The following TMEM91 variants were observed in gnomAD, a reference collection of about 807,000 sequenced individuals.
The protein encoded by TMEM91 is dispanin subfamily C member 3.
A neutral mutation model predicts 13.3 loss-of-function variants in TMEM91; 6 were observed. The observed-to-expected ratio is 0.45, with a 90% CI of 0.25 to 0.89. TMEM91 has a LOEUF of 0.89. TMEM91 is among the 40% of genes least tolerant of loss of function. The pLI is 0.19. For missense variants in TMEM91, 193 were observed against 228.7 expected (o/e 0.84, Z 1.01); for synonymous variants, 87 against 101.7 (o/e 0.86, Z 0.87).
intron 1 of TMEM91, among the ~76,000 whole-genome samples, chr19:41,367,358 C>G (rs184559469): frequency 1.3e-5 from 2 of 151,478 alleles, no homozygotes; most frequent in Admixed American, 1.3e-4. Flanking sequence ...TGGGGCTGGG[C>G]GCGGTGGCTC....
chr19:41,370,360 A>G (rs2038594794), intron 1 of TMEM91, among the ~76,000 whole-genome samples: 1 of 151,102 alleles, frequency 6.6e-6, no homozygotes, highest in African/African-American at 2.4e-5. Flanking sequence ...TATAGGCGTG[A>G]GCCACTGTGC....
chr19:41,365,125 A>G (rs1031239646), intron 1 of TMEM91, among the ~76,000 whole-genome samples: 3 of 150,590 alleles, frequency 2.0e-5, no homozygotes, highest in East Asian at 1.9e-4. Context: ...GGCTCTAGCT[A>G]TCCTCCCAGT....
chr19:41,375,764 A>T (rs538581344), upstream of TMEM91, among the ~76,000 whole-genome samples: 4 of 151,410 alleles, frequency 2.6e-5, no homozygotes, highest in African/African-American at 9.7e-5. Context: ...GCGAGCAATG[A>T]TTGCGCCACT....
In TMEM91 at chr19:41,384,072, C is replaced by CT; in HGVS notation, c.*201dup. 1 of 983,824 alleles carries CT rather than the reference C, an allele frequency of 1.0e-6. No individual in the cohort carries two copies. Among genetic ancestry groups the CT allele is most frequent in the East Asian group, 3.0e-5 (1 of 33,570 alleles). 60.9% of individuals were successfully genotyped at this position (983,824 alleles called of 1,614,324 possible). A position where few individuals can be genotyped will look rare whatever the true frequency, so the allele number is the denominator to read the frequency against. ...AACCTGAGATTAAACACCAGACACCCTTGCAGCCAAACCAGAGTCTGTTCG... is the reference window on the plus strand; with the variant it reads ...AACCTGAGATTAAACACCAGACACCCTTTGCAGCCAAACCAGAGTCTGTTCG... On this transcript the variant is annotated 3_prime_UTR_variant, in exon 4 of 4. Transcript: ENST00000392002.
intron 2 of TMEM91, among the ~76,000 whole-genome samples, chr19:41,382,011 G>A (rs555118432): frequency 6.6e-6 from 1 of 151,960 alleles, no homozygotes; most frequent in African/African-American, 2.4e-5. Flanking sequence ...GATTACAGGG[G>A]CATACCACCA....
upstream of TMEM91, chr19:41,374,068 C>G (rs1034363770): frequency 1.3e-5 from 2 of 152,246 alleles, no homozygotes; most frequent in South Asian, 4.1e-4. Flanking sequence ...ACAATCCTGC[C>G]CCCTCACGCT....
At chr19:41,383,611 A>G (rs1432642058) in intron 3 of TMEM91, 104 bp from the exon 4 acceptor site, 1 of 1,613,784 alleles carries the variant, frequency 6.2e-7, no homozygotes, top group Non-Finnish European at 8.5e-7. Context: ...CTTTTGGAAT[A>G]CATGCATGAA....
Position 41,382,786 on chromosome 19 carries a change from T to C in TMEM91, c.225T>C (p.Ser75=), listed in dbSNP as rs2038922003. 1.2e-6 allele frequency: 2 copies of C among 1,613,884 alleles called. No individual in the cohort carries two copies. The highest frequency in any genetic ancestry group is 2.7e-5 in the African/African-American group (2 of 74,936). The change falls in exon 3 of 4, where the codon AGT becomes AGC. Residue 75 remains serine, a synonymous_variant. Coordinates refer to ENST00000392002, the MANE Select transcript of TMEM91 (RefSeq NM_001098821.2). ...RPPDVEDMSS[S]DSDSDWDGGS... ...CCTGTCCGTAGGACATGTCATCCAG[T>C]GACAGTGACTCGGACTGGGATGGAG... is the stretch of plus-strand genomic sequence containing the variant.
At chr19:41,366,144 G>C (rs2038524204) in intron 1 of TMEM91, among the ~76,000 whole-genome samples, 1 of 132,192 alleles carries the variant, frequency 7.6e-6, no homozygotes, top group African/African-American at 2.8e-5. Context: ...ACTTTTAAAT[G>C]ATCTTTCTGT....
At chr19:41,382,023 G>T (rs1422494890) in intron 2 of TMEM91, among the ~76,000 whole-genome samples, 1 of 151,774 alleles carries the variant, frequency 6.6e-6, no homozygotes, top group Admixed American at 6.6e-5. Context: ...ATACCACCAC[G>T]CCTGGCTAAT....
chr19:41,377,883 G>C (rs1201224172), intron 1 of TMEM91, among the ~76,000 whole-genome samples: 1 of 151,850 alleles, frequency 6.6e-6, no homozygotes, highest in Non-Finnish European at 1.5e-5. Context: ...CGGGCATGGT[G>C]GTGGGCGCCT....
At chr19:41,365,944 C>T (rs1463156317) in intron 1 of TMEM91, among the ~76,000 whole-genome samples, 1 of 151,746 alleles carries the variant, frequency 6.6e-6, no homozygotes, top group South Asian at 2.1e-4. Context: ...CTCCTGGCCT[C>T]ATGTGATCCT....
intron 1 of TMEM91, among the ~76,000 whole-genome samples, chr19:41,368,562 A>G (rs542232457): frequency 1.3e-5 from 2 of 151,278 alleles, no homozygotes; most frequent in Non-Finnish European, 2.9e-5. Context: ...GGCATGTGCC[A>G]CCACACCCGG....
intron 2 of TMEM91, 91 bp from the exon 3 acceptor site, chr19:41,382,681 C>A: frequency 1.3e-6 from 2 of 1,483,250 alleles, no homozygotes; most frequent in Non-Finnish European, 9.1e-7. Flanking sequence ...GCCCTAGGGG[C>A]AGGTATTGGC....
upstream of TMEM91, among the ~76,000 whole-genome samples, chr19:41,372,423 C>A (rs1308226395): frequency 6.6e-6 from 1 of 152,042 alleles, no homozygotes. Context: ...CTCAGGCAAT[C>A]CTCCTGCTTC....
Position 41,383,954 on chromosome 19 carries a change from A to G in TMEM91, c.*81A>G, listed in dbSNP as rs1011548891. 5 of 1,550,822 alleles carry G rather than the reference A, an allele frequency of 3.2e-6. No individual in the cohort carries two copies. The highest frequency in any genetic ancestry group is 4.3e-6 in the Non-Finnish European group (5 of 1,155,888). ...GGCAGAGAGTGGAGAATCTTGGTGG[A>G]TGAGGCTGCGGCGGCGGCAGGAGCA... is the stretch of plus-strand genomic sequence containing the variant. On this transcript the variant is annotated 3_prime_UTR_variant, in exon 4 of 4. Transcript: ENST00000392002.
In TMEM91 at chr19:41,382,804, G is replaced by C. The variant is rs768670592; in HGVS notation, c.243G>C (p.Trp81Cys). Residue 81 changes from tryptophan to cysteine, a missense_variant, in exon 3 of 4, where the codon TGG (tryptophan) becomes TGC (cysteine). Physicochemically the swap from Trp to Cys is radical, Grantham distance 215 (BLOSUM62 -2). Coordinates refer to ENST00000392002, the MANE Select transcript of TMEM91 (RefSeq NM_001098821.2). ...DMSSSDSDSD[W>C]DGGSRLSPFL... ...CATCCAGTGACAGTGACTCGGACTGGGATGGAGGCAGCCGTCTTTCACCAT... is the reference window on the plus strand; with the variant it reads ...CATCCAGTGACAGTGACTCGGACTGCGATGGAGGCAGCCGTCTTTCACCAT... 1 of 1,614,162 alleles carries C rather than the reference G, an allele frequency of 6.2e-7. No homozygotes were observed. Among genetic ancestry groups the C allele is most frequent in the African/African-American group, 1.3e-5 (1 of 75,034 alleles).
chr19:41,380,682 G>A (rs532838591), intron 2 of TMEM91, among the ~76,000 whole-genome samples: 1 of 152,022 alleles, frequency 6.6e-6, no homozygotes, highest in Admixed American at 6.6e-5. Flanking sequence ...AGGCTGAGAC[G>A]GGCGGATCAC....
intron 1 of TMEM91, among the ~76,000 whole-genome samples, chr19:41,370,780 G>A (rs1198156899): frequency 6.6e-6 from 1 of 151,872 alleles, no homozygotes; most frequent in East Asian, 1.9e-4. Flanking sequence ...TCTGTTCACT[G>A]TAACCTCTGC....
Sources: allele counts gnomAD v4.1 joint callset (sites outside exome capture counted in the v4.1 genomes callset), GRCh38; gene constraint gnomAD v4.1.1; transcripts MANE v1.5; gene names NCBI Gene and HGNC (gene_info 2026-07-23, HGNC 2026-07-21).